The following EDIL3 variants were observed in gnomAD, a reference collection of about 807,000 sequenced individuals.
EDIL3 encodes EGF-like repeat and discoidin I-like domain-containing protein 3.
EDIL3 carries 37 observed loss-of-function variants against 67.4 expected under a neutral mutation model. The observed-to-expected ratio is 0.55, with a 90% CI of 0.42 to 0.72. EDIL3 has a LOEUF of 0.72. Among genes scored for constraint, EDIL3 ranks in the 30% least tolerant of loss-of-function variants. The probability of loss-of-function intolerance (pLI) is 0.00; values close to 1 mark genes in which losing one functional copy is unlikely to be tolerated. For synonymous variants in EDIL3, 195 were observed against 196.3 expected, an observed-to-expected ratio of 0.99 and a Z score of 0.05; for missense variants, 527 against 586.3, an observed-to-expected ratio of 0.90 and a Z score of 1.04.
intron 1 of EDIL3, among the ~76,000 whole-genome samples, chr5:84,338,413 A>G (rs1237828545): frequency 6.6e-6 from 1 of 152,190 alleles, no homozygotes; most frequent in Non-Finnish European, 1.5e-5. Flanking sequence ...AGCAGCTATA[A>G]ACTCAAGTTG....
chr5:84,133,464 C>CAAA (rs5869210), intron 5 of EDIL3, among the ~76,000 whole-genome samples: 11 of 86,538 alleles, frequency 1.3e-4, no homozygotes, highest in Admixed American at 1.5e-4. Context: ...ACTAAAAATA[C>CAAA]AAAAAAAAAA....
At position 84,378,326 on chromosome 5, in the gene EDIL3, A is replaced by G. The variant is rs16901071; in HGVS notation, c.67+5982T>C. ...GCTTTCTCTAGGTCGCAAAACCAGC[A>G]TTATCACCAGTTATTGCATTCTCTT... is the stretch of plus-strand genomic sequence containing the variant. On this transcript the variant is annotated intron_variant, in intron 1 of 10. Coordinates refer to ENST00000296591, the MANE Select transcript of EDIL3 (RefSeq NM_005711.5). Among the ~76,000 whole-genome samples, 792 of 152,298 alleles carry G rather than the reference A, an allele frequency of 5.2e-3. 11 individuals are homozygous for G. The highest frequency in any genetic ancestry group is 0.051 in the East Asian group (263 of 5,190).
intron 9 of EDIL3, among the ~76,000 whole-genome samples, chr5:84,050,227 A>C (rs1746307389): frequency 6.6e-6 from 1 of 150,484 alleles, no homozygotes; most frequent in Admixed American, 6.6e-5. Context: ...AAAAAATCAC[A>C]CAAGAATATT....
intron 6 of EDIL3, among the ~76,000 whole-genome samples, chr5:84,077,559 G>T (rs908043197): frequency 1.3e-5 from 2 of 152,066 alleles, no homozygotes; most frequent in Admixed American, 6.6e-5. Flanking sequence ...GCAGGGATCT[G>T]CCCTTTATAA....
intron 3 of EDIL3, among the ~76,000 whole-genome samples, chr5:84,211,094 A>T (rs1472899947): frequency 6.6e-6 from 1 of 152,196 alleles, no homozygotes; most frequent in Admixed American, 6.5e-5. Flanking sequence ...ACTTAATTTA[A>T]GGACTTCTAT....
At chr5:84,241,808 T>A (rs1007496298) in intron 2 of EDIL3, among the ~76,000 whole-genome samples, 7 of 152,046 alleles carry the variant, frequency 4.6e-5, no homozygotes, top group African/African-American at 1.7e-4. Context: ...GATTTCTGCA[T>A]GTAGCTTTAA....
chr5:84,176,325 A>ATT (rs1748915150), intron 4 of EDIL3, among the ~76,000 whole-genome samples: 1 of 80,376 alleles, frequency 1.2e-5, no homozygotes, highest in Admixed American at 1.4e-4. Flanking sequence ...ATATATATAT[A>ATT]TTAGGGAGCC....
intron 9 of EDIL3, among the ~76,000 whole-genome samples, chr5:84,030,116 T>C (rs1314935452): frequency 6.6e-6 from 1 of 152,180 alleles, no homozygotes; most frequent in East Asian, 1.9e-4. Context: ...AAAAGTCCCT[T>C]TCTAAAACAA....
At chr5:83,959,024 A>AC (rs1378507704) in intron 10 of EDIL3, among the ~76,000 whole-genome samples, 1 of 151,114 alleles carries the variant, frequency 6.6e-6, no homozygotes, top group African/African-American at 2.4e-5. Context: ...TTAGCTAAAA[A>AC]ACAATACTAA....
intron 1 of EDIL3, among the ~76,000 whole-genome samples, chr5:84,303,400 C>T (rs1255200476): frequency 1.3e-5 from 2 of 152,174 alleles, no homozygotes; most frequent in African/African-American, 4.8e-5. Context: ...TCCTAACCTG[C>T]ATTCTAGCCA....
chr5:84,253,791 A>T (rs1745076468), intron 2 of EDIL3, among the ~76,000 whole-genome samples: 1 of 151,818 alleles, frequency 6.6e-6, no homozygotes, highest in African/African-American at 2.4e-5. Context: ...TGAGAATAAA[A>T]TGTTAAATTT....
chr5:84,047,116 A>C (rs1238414808), intron 9 of EDIL3, among the ~76,000 whole-genome samples: 1 of 152,148 alleles, frequency 6.6e-6, no homozygotes. Flanking sequence ...ATAACCTCCA[A>C]ACCATAAAGG....
chr5:84,337,138 G>T (rs115566234), intron 1 of EDIL3, among the ~76,000 whole-genome samples: 1,627 of 152,198 alleles, frequency 0.011, 11 homozygotes, highest in Non-Finnish European at 0.016. Flanking sequence ...ATTTGAAGAG[G>T]TGCCTTTTCC....
chr5:84,010,214 T>C (rs1247246253), intron 9 of EDIL3, among the ~76,000 whole-genome samples: 1 of 152,242 alleles, frequency 6.6e-6, no homozygotes, highest in Non-Finnish European at 1.5e-5. Context: ...TCATCTTTCT[T>C]ATTCCTAGAG....
At position 84,044,742 on chromosome 5, in the gene EDIL3, A is replaced by C. The variant is rs866379799; in HGVS notation, c.1137+15558T>G. Among the ~76,000 whole-genome samples, 22 of 152,326 alleles carry C rather than the reference A, an allele frequency of 1.4e-4. No homozygotes were observed. In the Middle Eastern group the frequency reaches 0.027, roughly 188 times the overall value. ...CGGTAGAAAGCCTAAGGTGGATGTC[A>C]GCTATGGCAGCAAGCTAGACCCATG... is the stretch of plus-strand genomic sequence containing the variant. On this transcript the variant is annotated intron_variant, in intron 9 of 10. Coordinates refer to ENST00000296591, the MANE Select transcript of EDIL3 (RefSeq NM_005711.5).
intron 1 of EDIL3, among the ~76,000 whole-genome samples, chr5:84,289,720 C>T (rs1745877059): frequency 6.6e-6 from 1 of 152,134 alleles, no homozygotes; most frequent in African/African-American, 2.4e-5. Flanking sequence ...ATTCATTTAT[C>T]TCCTTCCATT....
At position 83,941,282 on chromosome 5, in the gene EDIL3, G is replaced by A. The variant is rs1025021317; in HGVS notation, c.*2137C>T. 3 of 151,986 alleles carry A rather than the reference G, an allele frequency of 2.0e-5. No individual in the cohort carries two copies. Among genetic ancestry groups the A allele is most frequent in the Non-Finnish European group, 2.9e-5 (2 of 67,900 alleles). 9.4% of individuals were successfully genotyped at this position (151,986 alleles called of 1,614,324 possible). On this transcript the variant is annotated 3_prime_UTR_variant, in exon 11 of 11. Coordinates refer to ENST00000296591, the MANE Select transcript of EDIL3 (RefSeq NM_005711.5). ...AAGCAGAGGGAAAATGAAAAAGCAAGAGAAACTCATTTCAATGCTTTTTCT... is the reference window on the plus strand; with the variant it reads ...AAGCAGAGGGAAAATGAAAAAGCAAAAGAAACTCATTTCAATGCTTTTTCT...
At chr5:84,195,634 T>C (rs1224414587) in intron 3 of EDIL3, among the ~76,000 whole-genome samples, 1 of 152,138 alleles carries the variant, frequency 6.6e-6, no homozygotes, top group African/African-American at 2.4e-5. Context: ...TCTGATAGTT[T>C]CTACAGATGT....
intron 9 of EDIL3, among the ~76,000 whole-genome samples, chr5:84,002,228 C>T (rs1289096165): frequency 6.6e-6 from 1 of 152,084 alleles, no homozygotes; most frequent in Admixed American, 6.5e-5. Flanking sequence ...TAAAATTTAA[C>T]ATCCCTTCAT....
Sources: gnomAD v4.1 joint callset for allele counts (sites outside exome capture counted in the v4.1 genomes callset) on GRCh38, gnomAD v4.1.1 for gene constraint, MANE v1.5 for transcripts, NCBI Gene and HGNC (gene_info 2026-07-23, HGNC 2026-07-21) for gene names.